The following SLC45A2 variants were observed in gnomAD, a reference collection of about 807,000 sequenced individuals.
SLC45A2 encodes the protein membrane-associated transporter protein.
Under a neutral mutation model 45.5 loss-of-function variants are expected in SLC45A2, and 36 were observed. The observed-to-expected ratio is 0.79, with a 90% confidence interval of 0.61 to 1.04. The LOEUF is 1.04. SLC45A2 is among the 50% of genes least tolerant of loss of function. The pLI is 0.00. For synonymous variants in SLC45A2, 306 were observed against 269.3 expected, an observed-to-expected ratio of 1.14 and a Z score of -1.33; for missense variants, 719 against 671.0, an observed-to-expected ratio of 1.07 and a Z score of -0.79.
chr5:33,963,522 A>T (rs984073917), intron 3 of SLC45A2, 169 bp downstream of exon 3: 4 of 712,286 alleles, frequency 5.6e-6, no homozygotes, highest in Non-Finnish European at 9.4e-6. Context: ...TTTCTTTGAG[A>T]TATAAAATTT....
At chr5:33,971,456 G>A (rs1444942651) in intron 2 of SLC45A2, 1 of 411,754 alleles carries the variant, frequency 2.4e-6, no homozygotes. Flanking sequence ...TTTGTTTTTT[G>A]GAGACAGGGT....
At chr5:33,951,477 C>T in intron 5 of SLC45A2, 77 bp downstream of exon 5, 31 of 1,610,124 alleles carry the variant, frequency 1.9e-5, no homozygotes, top group Non-Finnish European at 2.5e-5. Context: ...GTAGGAAATA[C>T]ACATAGAAAT....
At chr5:33,951,358 A>G in intron 5 of SLC45A2, 196 bp downstream of exon 5, 1 of 1,424,286 alleles carries the variant, frequency 7.0e-7, no homozygotes, top group Non-Finnish European at 9.2e-7. Context: ...TCAGTGAGGA[A>G]ATGACACCTA....
At chr5:33,982,482 T>A in intron 1 of SLC45A2, 70 bp from the exon 2 acceptor site, 1 of 1,460,998 alleles carries the variant, frequency 6.8e-7, no homozygotes, top group Non-Finnish European at 9.5e-7. Context: ...AATTTCCACC[T>A]AAACTTCTTG....
intron 2 of SLC45A2, among the ~76,000 whole-genome samples, chr5:33,981,218 A>G (rs16892057): frequency 0.055 from 8,389 of 152,258 alleles, 752 homozygotes; most frequent in African/African-American, 0.19. Context: ...AGGAGGATCT[A>G]CCAACTGTGC....
Position 33,982,270 on chromosome 5 carries a change from C to T in SLC45A2, c.528G>A (p.Lys176=), listed in dbSNP as rs375319565. The change falls in exon 2 of 7, where the codon AAG becomes AAA. Residue 176 remains lysine, a synonymous_variant. Transcript: ENST00000296589. ...GGGCATGGTAGTGGAGGCCCTTCTCCTTGTCCTGATGGGAGCAGACATCAA... is the reference window on the plus strand; with the variant it reads ...GGGCATGGTAGTGGAGGCCCTTCTCTTTGTCCTGATGGGAGCAGACATCAA... ...YLFDVCSHQD[K]EKGLHYHALF... is the part of the protein sequence containing the mutation. 5.6e-5 allele frequency: 91 copies of T among 1,613,982 alleles called. No homozygotes were observed. Among genetic ancestry groups the T allele is most frequent in the Non-Finnish European group, 7.4e-5 (87 of 1,180,000 alleles).
At chr5:33,977,080 T>C (rs1454310940) in intron 2 of SLC45A2, among the ~76,000 whole-genome samples, 2 of 152,178 alleles carry the variant, frequency 1.3e-5, no homozygotes, top group Non-Finnish European at 2.9e-5. Context: ...CCAATAGGAC[T>C]GGTGTTCATG....
intron 5 of SLC45A2, among the ~76,000 whole-genome samples, 153 bp from the exon 6 acceptor site, chr5:33,947,527 C>T (rs778952074): frequency 6.6e-6 from 1 of 152,200 alleles, no homozygotes; most frequent in Non-Finnish European, 1.5e-5. Context: ...GGGTTGAAAA[C>T]AGCTGGCTTT....
chr5:33,984,320 G>C lies in SLC45A2; in HGVS notation c.264C>G (p.Val88=), dbSNP rs149213379. The C allele has an allele frequency of 6.0e-5, 96 of 1,613,254 alleles. No homozygotes were observed. The highest frequency in any genetic ancestry group is 1.7e-4 in the Admixed American group (10 of 59,992). Residue 88 remains valine (V), a synonymous_variant, in exon 1 of 7, where the codon GTC becomes GTG. Transcript: ENST00000296589. ...ACCGGCAGTGGTCGCTGGCCGATCC[G>C]ACCACGGGCTGCAGCAGGAATCCCA... is the stretch of plus-strand genomic sequence containing the variant. ...PILGFLLQPV[V]GSASDHCRSR... is the part of the protein sequence containing the mutation.
At chr5:33,966,245 C>T (rs1370441786) in intron 2 of SLC45A2, among the ~76,000 whole-genome samples, 4 of 152,038 alleles carry the variant, frequency 2.6e-5, no homozygotes, top group South Asian at 4.2e-4. Context: ...TGGGGAGTTT[C>T]CTGATGCAGT....
chr5:33,963,639 AAC>A (rs578001478), intron 3 of SLC45A2, 50 bp downstream of exon 3: 1 of 1,589,472 alleles, frequency 6.3e-7, no homozygotes, highest in South Asian at 1.1e-5. Context: ...CAACAACAAC[AAC>A]AAAGAGCAAG....
intron 2 of SLC45A2, chr5:33,970,816 G>A (rs903614737): frequency 3.4e-6 from 1 of 297,326 alleles, no homozygotes; most frequent in African/African-American, 2.2e-5. Flanking sequence ...TTTATGTGAT[G>A]GTTAGAGAGA....
In SLC45A2 at chr5:33,984,268, T is replaced by G. The variant is rs1390251343; in HGVS notation, c.316A>C (p.Ile106Leu). The G allele has an allele frequency of 6.2e-7, 1 of 1,613,988 alleles. No individual in the cohort carries two copies. The change falls in exon 1 of 7, where the codon ATC becomes CTC. Residue 106 changes from isoleucine (I) to leucine (L), a missense_variant. Transcript: ENST00000296589. ...AGCATCATGACTCCCAGGGTGAGGA[T>G]GTAGGGTCTCCGGCGGCCCCACCTG... is the stretch of plus-strand genomic sequence containing the variant. ...RSRWGRRRPY[I>L]LTLGVMMLVG...
chr5:33,982,327 GTCGGCAGCAAAA>G lies in SLC45A2; in HGVS notation c.459_470del (p.Ala155_Phe158del). 6.2e-7 allele frequency: 1 copy of G among 1,614,182 alleles called. No individual in the cohort carries two copies. Among genetic ancestry groups the G allele is most frequent in the East Asian group, 2.2e-5 (1 of 44,878 alleles). ...AGGCTTTGATGGGCCCATCAATGAA[GTCGGCAGCAAAA>G]TCAAAGAGAACGACACCTATCATGG... On this transcript the variant is annotated inframe_deletion, in exon 2 of 7. Coordinates refer to ENST00000296589, the MANE Select transcript of SLC45A2 (RefSeq NM_016180.5).
intron 2 of SLC45A2, chr5:33,971,269 G>A: frequency 3.8e-6 from 2 of 529,840 alleles, no homozygotes; most frequent in South Asian, 1.4e-5. Flanking sequence ...GAGATTGGAG[G>A]GCTATCAGAA....
At chr5:33,948,483 A>T (rs979659374) in intron 5 of SLC45A2, among the ~76,000 whole-genome samples, 1 of 152,192 alleles carries the variant, frequency 6.6e-6, no homozygotes, top group African/African-American at 2.4e-5. Flanking sequence ...GACATTTTCC[A>T]TATCTATTCA....
chr5:33,949,645 TA>T, intron 5 of SLC45A2, among the ~76,000 whole-genome samples: 1 of 152,184 alleles, frequency 6.6e-6, no homozygotes, highest in Admixed American at 6.5e-5. Context: ...ATTTTATAAA[TA>T]AAATGTTGAT....
In SLC45A2 at chr5:33,984,617, C is replaced by G. The variant is rs777382934; in HGVS notation, c.-34G>C. On this transcript the variant is annotated 5_prime_UTR_variant, in exon 1 of 7. Transcript: ENST00000296589. ...GGAGAGGAACCTTCCTGCGAGCCCA[C>G]CACCTCCTGCGTGGTCCTAGGGTCT... is the stretch of plus-strand genomic sequence containing the variant. 6.2e-7 allele frequency: 1 copy of G among 1,604,142 alleles called. No individual in the cohort carries two copies. The highest frequency in any genetic ancestry group is 1.3e-5 in the African/African-American group (1 of 75,008).
chr5:33,956,285 A>G (rs1423625857), intron 3 of SLC45A2, among the ~76,000 whole-genome samples: 1 of 152,174 alleles, frequency 6.6e-6, no homozygotes, highest in African/African-American at 2.4e-5. Flanking sequence ...TTAAACATGC[A>G]GGATCAAGAT....
Sources: allele counts gnomAD v4.1 joint callset (sites outside exome capture counted in the v4.1 genomes callset), GRCh38; gene constraint gnomAD v4.1.1; transcripts MANE v1.5; gene names NCBI Gene and HGNC (gene_info 2026-07-23, HGNC 2026-07-21).